KANK4: variants seen among roughly 807,000 people sequenced by gnomAD.
KANK4 encodes KN motif and ankyrin repeat domains 4.
Under a neutral mutation model 80.8 loss-of-function variants are expected in KANK4, and 50 were observed. That is an observed-to-expected ratio of 0.62 (90% CI 0.49 to 0.78). The LOEUF is 0.78. KANK4 is among the 30% of genes least tolerant of loss of function. The pLI, the probability that KANK4 is intolerant of heterozygous loss-of-function variation, is 0.00. For synonymous variants in KANK4, 465 were observed against 506.9 expected (o/e 0.92, Z 1.11); for missense variants, 1,196 against 1,240.1 (o/e 0.96, Z 0.53).
intron 1 of KANK4, among the ~76,000 whole-genome samples, chr1:62,283,254 C>T (rs1672490673): frequency 6.6e-6 from 1 of 152,190 alleles, no homozygotes; most frequent in Non-Finnish European, 1.5e-5. Context: ...CTCCCTCCCA[C>T]CCCTGTAACA....
chr1:62,274,054 C>T lies in KANK4; in HGVS notation c.1050G>A (p.Ser350=), dbSNP rs775683673. The T allele has an allele frequency of 6.2e-6, 10 of 1,614,074 alleles. No homozygotes were observed. Among genetic ancestry groups the T allele is most frequent in the East Asian group, 2.2e-5 (1 of 44,874 alleles). The change falls in exon 3 of 10, where the codon TCG becomes TCA. Residue 350 remains serine, a synonymous_variant. Transcript: ENST00000371153. The stretch of plus-strand genomic sequence containing the variant: ...TTCCAGACAACTCTCCCTCCAGGGC[C>T]GAGACCTGCTGTTTCAGGCTGGAGA... ...GSISSLKQQV[S]ALEGELSGRT...
intron 2 of KANK4, among the ~76,000 whole-genome samples, chr1:62,278,345 C>CTTTTTTTTTGAGATGGAAT: frequency 8.5e-5 from 1 of 11,712 alleles, no homozygotes; most frequent in South Asian, 3.2e-3. Flanking sequence ...TCCTTCCTTC[C>CTTTTTTTTTGAGATGGAAT]TTCCTTCCTT....
intron 7 of KANK4, among the ~76,000 whole-genome samples, chr1:62,259,766 T>C (rs1458139277): frequency 6.7e-6 from 1 of 148,668 alleles, no homozygotes; most frequent in African/African-American, 2.4e-5. Flanking sequence ...AAAGACAATA[T>C]AATTTATAAT....
intron 9 of KANK4, among the ~76,000 whole-genome samples, chr1:62,244,189 T>C (rs1671412224): frequency 6.7e-6 from 1 of 149,336 alleles, no homozygotes; most frequent in South Asian, 2.1e-4. Flanking sequence ...CTCATGAGTG[T>C]TTATTTTTTA....
chr1:62,314,351 G>A (rs1006559268), intron 1 of KANK4, among the ~76,000 whole-genome samples: 1 of 152,250 alleles, frequency 6.6e-6, no homozygotes, highest in Admixed American at 6.5e-5. Context: ...GGAGTAGGAT[G>A]GCTACATTTT....
intron 1 of KANK4, among the ~76,000 whole-genome samples, chr1:62,297,418 A>G (rs1397202849): frequency 6.6e-6 from 1 of 152,180 alleles, no homozygotes; most frequent in Non-Finnish European, 1.5e-5. Context: ...CAGGGGCACA[A>G]ATCTAGTAAG....
chr1:62,278,866 C>A (rs2149149248), intron 2 of KANK4, among the ~76,000 whole-genome samples: 3 of 152,236 alleles, frequency 2.0e-5, no homozygotes, highest in Middle Eastern at 6.8e-3. Context: ...AACAGCCCCA[C>A]AGATTATAAG....
intron 1 of KANK4, among the ~76,000 whole-genome samples, chr1:62,289,325 A>C (rs1446297833): frequency 6.6e-6 from 1 of 152,198 alleles, no homozygotes; most frequent in East Asian, 1.9e-4. Flanking sequence ...CCAAGATTTG[A>C]ATCCATGTTT....
Position 62,273,332 on chromosome 1 carries a change from T to C in KANK4, c.1772A>G (p.Gln591Arg). ...GYPELASAIKQPASKLSSIQS... is the reference protein window; with the variant it reads ...GYPELASAIKRPASKLSSIQS... ...GATGCTGCTGAGCTTGGAGGCTGGC[T>C]GCTTGATGGCGCTGGCCAGCTCCGG... The change falls in exon 3 of 10, where the codon CAG (glutamine) becomes CGG (arginine). Residue 591 changes from glutamine to arginine, a missense_variant. Transcript: ENST00000371153. The C allele has an allele frequency of 6.2e-7, 1 of 1,608,786 alleles. No homozygotes were observed. The highest frequency in any genetic ancestry group is 8.5e-7 in the Non-Finnish European group (1 of 1,176,058).
chr1:62,286,096 G>A (rs1027726230), intron 1 of KANK4, among the ~76,000 whole-genome samples: 15 of 152,174 alleles, frequency 9.9e-5, no homozygotes, highest in African/African-American at 3.4e-4. Context: ...CCATTCCCAC[G>A]TTTTTTGCAA....
At chr1:62,310,136 G>A (rs764620023) in intron 1 of KANK4, among the ~76,000 whole-genome samples, 3 of 152,162 alleles carry the variant, frequency 2.0e-5, no homozygotes, top group Non-Finnish European at 4.4e-5. Flanking sequence ...ACTTAACCAC[G>A]TGGAATCATC....
chr1:62,283,108 T>C lies in KANK4; in HGVS notation c.-70-1474A>G, dbSNP rs561939761. ...GCTGCCTCTCTCACCACCCCAGCTC[T>C]GCAGTCTGCAGCAGGCGATGCTGGC... On this transcript the variant is annotated intron_variant, in intron 1 of 9. Coordinates refer to ENST00000371153, the MANE Select transcript of KANK4 (RefSeq NM_181712.5). Among the ~76,000 whole-genome samples the C allele has an allele frequency of 2.0e-5, 3 of 152,286 alleles. 1 individual carries two copies. Among genetic ancestry groups the C allele is most frequent in the African/African-American group, 7.2e-5 (3 of 41,576 alleles).
At chr1:62,269,522 C>T (rs919010161) in intron 4 of KANK4, among the ~76,000 whole-genome samples, 5 of 152,182 alleles carry the variant, frequency 3.3e-5, no homozygotes, top group African/African-American at 1.2e-4. Context: ...AACAGCCTTT[C>T]ATGTTTGTGA....
chr1:62,240,329 G>A (rs1671307070), intron 9 of KANK4, among the ~76,000 whole-genome samples: 1 of 152,198 alleles, frequency 6.6e-6, no homozygotes, highest in African/African-American at 2.4e-5. Context: ...AGAAGTGTCT[G>A]TTCATATCCT....
At chr1:62,240,934 A>C (rs1178614363) in intron 9 of KANK4, among the ~76,000 whole-genome samples, 2 of 151,988 alleles carry the variant, frequency 1.3e-5, no homozygotes. Flanking sequence ...CAGCTCCAAA[A>C]ACCACACTCT....
chr1:62,297,334 A>C (rs1021694849), intron 1 of KANK4, among the ~76,000 whole-genome samples: 9 of 152,284 alleles, frequency 5.9e-5, no homozygotes, highest in African/African-American at 2.2e-4. Context: ...ATATTGTACA[A>C]ATGCTAACTT....
At chr1:62,258,984 G>T (rs368035590) in intron 7 of KANK4, among the ~76,000 whole-genome samples, 2 of 152,116 alleles carry the variant, frequency 1.3e-5, no homozygotes, top group Non-Finnish European at 2.9e-5. Flanking sequence ...AGCGTGGCTG[G>T]AGTGGAGGGA....
chr1:62,293,301 G>C (rs1273481838), intron 1 of KANK4, among the ~76,000 whole-genome samples: 1 of 151,674 alleles, frequency 6.6e-6, no homozygotes. Context: ...TGGCATGTTG[G>C]CCAGGCTGGT....
rs1671243650 is a variant in KANK4 at position 62,237,961 on chromosome 1, A to G, written c.*316T>C. 1 of 254,410 alleles carries G rather than the reference A, an allele frequency of 3.9e-6. No individual in the cohort carries two copies. Among genetic ancestry groups the G allele is most frequent in the Admixed American group, 5.2e-5 (1 of 19,332 alleles). 15.8% of individuals were successfully genotyped at this position (254,410 alleles called of 1,614,324 possible). ...GCTCCTGCCTGCCTGCTTGCTACAC[A>G]ATGTTACAGAGGGTAGAGTCATGAG... is the stretch of plus-strand genomic sequence containing the variant. On this transcript the variant is annotated 3_prime_UTR_variant, in exon 10 of 10. Transcript: ENST00000371153.
Sources: allele counts gnomAD v4.1 joint callset (sites outside exome capture counted in the v4.1 genomes callset), GRCh38; gene constraint gnomAD v4.1.1; transcripts MANE v1.5; gene names NCBI Gene and HGNC (gene_info 2026-07-23, HGNC 2026-07-21).